CCL24: variants seen among roughly 807,000 people sequenced by gnomAD.
CCL24 encodes the protein C-C motif chemokine 24.
A neutral mutation model predicts 8.6 loss-of-function variants in CCL24; 6 were observed. The observed-to-expected ratio is 0.70, with a 90% CI of 0.38 to 1.38. CCL24 has a LOEUF of 1.38. Among genes scored for constraint, CCL24 ranks in the 40% most tolerant of loss-of-function variants. The pLI, the probability that CCL24 is intolerant of heterozygous loss-of-function variation, is 0.02. For synonymous variants in CCL24, 59 were observed against 52.7 expected, an observed-to-expected ratio of 1.12 and a Z score of -0.52; for missense variants, 126 against 147.1, an observed-to-expected ratio of 0.86 and a Z score of 0.74.
At position 75,813,625 on chromosome 7, in the gene CCL24, T is replaced by G. The variant is rs782749237; in HGVS notation, c.73+18A>C. ...TCCCAGCCATGCCCTTGGAACTGCA[T>G]CCTGTCGGAGGTCTTACCCGTAGGG... is the stretch of plus-strand genomic sequence containing the variant. On this transcript the variant is annotated intron_variant, in intron 1 of 2. Coordinates refer to ENST00000222902, the MANE Select transcript of CCL24 (RefSeq NM_002991.3). 1 of 1,606,536 alleles carries G rather than the reference T, an allele frequency of 6.2e-7. No individual in the cohort carries two copies. Among genetic ancestry groups the G allele is most frequent in the South Asian group, 1.1e-5 (1 of 90,890 alleles).
chr7:75,821,927 CAAA>C (rs1287627655), intron 1 of CCL24, among the ~76,000 whole-genome samples: 3 of 74,184 alleles, frequency 4.0e-5, no homozygotes. Flanking sequence ...GACTCCGTCT[CAAA>C]AAAAAAAAAA....
chr7:75,812,276 G>A (rs1554533538), intron 2 of CCL24, among the ~76,000 whole-genome samples: 2 of 151,714 alleles, frequency 1.3e-5, no homozygotes, highest in Admixed American at 1.3e-4. Context: ...TTGCAGAAAC[G>A]GAGTCTCACT....
chr7:75,816,445 A>G (rs1803892345), upstream of CCL24, among the ~76,000 whole-genome samples: 1 of 152,144 alleles, frequency 6.6e-6, no homozygotes, highest in Non-Finnish European at 1.5e-5. Context: ...TCACCTCCCC[A>G]TCAGCCAACA....
rs536699295 is a variant in CCL24 at position 75,811,019 on chromosome 7, C to A, written c.*777G>T. 2.0e-5 allele frequency among the ~76,000 whole-genome samples: 3 copies of A among 151,920 alleles called. No homozygotes were observed. Among genetic ancestry groups the A allele is most frequent in the Non-Finnish European group, 2.9e-5 (2 of 67,938 alleles). On this transcript the variant is annotated 3_prime_UTR_variant, in exon 3 of 3. Coordinates refer to ENST00000222902, the MANE Select transcript of CCL24 (RefSeq NM_002991.3). The stretch of plus-strand genomic sequence containing the variant: ...AGCCCAGATTTGAAGGCAGTACAGG[C>A]CCTTGTCCCCAAGACAGCATGGAGC...
At chr7:75,814,868 C>A (rs1326845364), upstream of CCL24, among the ~76,000 whole-genome samples, 1 of 151,976 alleles carries the variant, frequency 6.6e-6, no homozygotes, top group African/African-American at 2.4e-5. Flanking sequence ...ACTCTCTGTG[C>A]AGCCGGACTT....
At chr7:75,817,299 G>C (rs1803913378), upstream of CCL24, among the ~76,000 whole-genome samples, 1 of 151,946 alleles carries the variant, frequency 6.6e-6, no homozygotes, top group East Asian at 1.9e-4. Context: ...AAGTTGGGGG[G>C]AGAAAGGATG....
chr7:75,817,014 G>A (rs891727505), upstream of CCL24, among the ~76,000 whole-genome samples: 2 of 151,716 alleles, frequency 1.3e-5, no homozygotes, highest in Non-Finnish European at 2.9e-5. Context: ...ACAGGTGCAC[G>A]CCACCATGCC....
intron 2 of CCL24, among the ~76,000 whole-genome samples, chr7:75,812,822 C>T (rs11465301): frequency 0.02 from 3,019 of 152,006 alleles, 48 homozygotes; most frequent in Non-Finnish European, 0.03. Flanking sequence ...CCCAGCTACT[C>T]GGGAGGCTGA....
chr7:75,811,714 C>CA lies in CCL24; in HGVS notation c.*81_*82insT. On this transcript the variant is annotated 3_prime_UTR_variant, in exon 3 of 3. Transcript: ENST00000222902. ...GAAACAGGAAAATTAGCTCTTCCCC[C>CA]CATCACTGTGGCTTCTCCAGGCCCC... 3 of 1,257,406 alleles carry CA rather than the reference C, an allele frequency of 2.4e-6. No individual in the cohort carries two copies. The highest frequency in any genetic ancestry group is 3.3e-6 in the Non-Finnish European group (3 of 899,382). The allele number at this position is 1,257,406 out of a possible 1,614,324, so 77.9% of individuals were successfully genotyped here. A position where few individuals can be genotyped will look rare whatever the true frequency, so the allele number is the denominator to read the frequency against.
At chr7:75,815,198 G>A (rs1334225710), upstream of CCL24, among the ~76,000 whole-genome samples, 1 of 151,968 alleles carries the variant, frequency 6.6e-6, no homozygotes, top group South Asian at 2.1e-4. Context: ...AATTAGCCAG[G>A]CACGGTGGTA....
intron 1 of CCL24, among the ~76,000 whole-genome samples, chr7:75,820,082 CTTCTTCCTCT>C (rs1804003080): frequency 2.1e-5 from 3 of 139,818 alleles, no homozygotes; most frequent in Non-Finnish European, 3.1e-5. Flanking sequence ...TCTTCTTCTT[CTTCTTCCTCT>C]TCTTCTTCTT....
intron 1 of CCL24, among the ~76,000 whole-genome samples, chr7:75,820,088 CCTCT>C (rs1563353909): frequency 1.8e-4 from 24 of 132,014 alleles, no homozygotes; most frequent in African/African-American, 3.0e-4. Flanking sequence ...TCTTCTTCTT[CCTCT>C]TCTTCTTCTT....
At chr7:75,822,855 T>C (rs891550965) in intron 1 of CCL24, among the ~76,000 whole-genome samples, 13 of 151,902 alleles carry the variant, frequency 8.6e-5, no homozygotes, top group Admixed American at 2.6e-4. Context: ...AAAAGAAAAC[T>C]GAGGTTTAGA....
intron 1 of CCL24, among the ~76,000 whole-genome samples, chr7:75,820,071 T>TTCTTCC (rs1554534813): frequency 5.5e-4 from 76 of 137,402 alleles, no homozygotes; most frequent in East Asian, 1.3e-3. Context: ...CTTCTTCTTC[T>TTCTTCC]TCTTCTTCTT....
At chr7:75,815,361 G>C (rs1289630526), upstream of CCL24, among the ~76,000 whole-genome samples, 1 of 151,182 alleles carries the variant, frequency 6.6e-6, no homozygotes, top group Admixed American at 6.6e-5. Context: ...AAAAAGAAAG[G>C]CTGGGTGAGG....
upstream of CCL24, chr7:75,813,931 T>C (rs1160609336): frequency 2.2e-6 from 1 of 450,068 alleles, no homozygotes; most frequent in Non-Finnish European, 4.2e-6. Flanking sequence ...GTTGTCCCGT[T>C]GTTGCCCAGC....
At chr7:75,820,900 AATCCATCCATCT>A (rs782371968) in intron 1 of CCL24, among the ~76,000 whole-genome samples, 119 of 134,130 alleles carry the variant, frequency 8.9e-4, no homozygotes, top group Non-Finnish European at 1.7e-3. Flanking sequence ...TCCATTCATT[AATCCATCCATCT>A]ATCCATCAAT....
chr7:75,821,226 C>A (rs1186521143), intron 1 of CCL24, among the ~76,000 whole-genome samples: 2 of 151,996 alleles, frequency 1.3e-5, no homozygotes, highest in African/African-American at 4.8e-5. Flanking sequence ...GGAAACTGGG[C>A]AGAGAAGGGT....
At chr7:75,820,880 T>TATCC (rs782012768) in intron 1 of CCL24, among the ~76,000 whole-genome samples, 1 of 148,232 alleles carries the variant, frequency 6.7e-6, no homozygotes, top group African/African-American at 2.5e-5. Context: ...TCCACTCATC[T>TATCC]ATCCATCCAT....
Sources: allele counts gnomAD v4.1 joint callset (sites outside exome capture counted in the v4.1 genomes callset), GRCh38; gene constraint gnomAD v4.1.1; transcripts MANE v1.5; gene names NCBI Gene and HGNC (gene_info 2026-07-23, HGNC 2026-07-21).